RPH3AL: variants seen among roughly 807,000 people sequenced by gnomAD.
RPH3AL encodes the protein rabphilin 3A like (without C2 domains), also known as rab effector Noc2.
RPH3AL carries 38 observed loss-of-function variants against 43.1 expected under a neutral mutation model. That is an observed-to-expected ratio of 0.88 (90% CI 0.68 to 1.15). RPH3AL has a LOEUF of 1.15. Ranked by LOEUF, RPH3AL falls within the 50% of genes most tolerant of loss-of-function variation. RPH3AL has a pLI of 0.00. For missense variants in RPH3AL, 462 were observed against 423.2 expected (o/e 1.09, Z -0.81); for synonymous variants, 189 against 176.3 (o/e 1.07, Z -0.57).
In RPH3AL at chr17:274,192, G is replaced by A. The variant is rs542048117; in HGVS notation, c.438+7576C>T. Among the ~76,000 whole-genome samples, 13 of 152,324 alleles carry A rather than the reference G, an allele frequency of 8.5e-5. No homozygotes were observed. Among genetic ancestry groups the A allele is most frequent in the African/African-American group, 2.4e-4 (10 of 41,568 alleles). ...GCCGTTCCTCCCAGCCCCAACTAAC[G>A]CACCCATGAAAGCACGTGGAAAAGG... is the stretch of plus-strand genomic sequence containing the variant. On this transcript the variant is annotated intron_variant, in intron 6 of 9. Transcript: ENST00000331302. This position sits in a 1 kb window ranked among gnomAD's most constrained non-coding sequence, Gnocchi z 4.7.
intron 7 of RPH3AL, among the ~76,000 whole-genome samples, chr17:220,492 C>G (rs2040942632): frequency 1.1e-5 from 1 of 92,140 alleles, no homozygotes; most frequent in Admixed American, 9.7e-5. Flanking sequence ...ACAATAGACC[C>G]AAGCACATCA....
At chr17:318,596 A>G (rs1378132447) in intron 5 of RPH3AL, among the ~76,000 whole-genome samples, 1 of 152,158 alleles carries the variant, frequency 6.6e-6, no homozygotes, top group Non-Finnish European at 1.5e-5. Flanking sequence ...ATGCCAGGAA[A>G]AAAAAAATAG....
chr17:219,875 A>G, intron 7 of RPH3AL, 139 bp from the exon 8 acceptor site: 2 of 639,710 alleles, frequency 3.1e-6, no homozygotes, highest in South Asian at 1.7e-5. Context: ...CTTTGGGCAG[A>G]AGAAATAATG....
chr17:242,079 C>T (rs2041552761), intron 7 of RPH3AL, among the ~76,000 whole-genome samples: 2 of 151,872 alleles, frequency 1.3e-5, no homozygotes, highest in African/African-American at 4.8e-5. Flanking sequence ...ATCACACCAC[C>T]ACACTCCAGC....
At chr17:325,552 C>T (rs901482229) in intron 3 of RPH3AL, among the ~76,000 whole-genome samples, 1 of 152,222 alleles carries the variant, frequency 6.6e-6, no homozygotes, top group African/African-American at 2.4e-5. Context: ...ATTGGCCCAT[C>T]TTCTGGGTCC....
At chr17:296,079 A>G (rs370467094) in intron 5 of RPH3AL, among the ~76,000 whole-genome samples, 136 of 82,786 alleles carry the variant, frequency 1.6e-3, no homozygotes, top group East Asian at 4.2e-3. Context: ...CAGAGGGAAT[A>G]CACATCAGTG....
At chr17:315,234 T>C (rs867707806) in intron 5 of RPH3AL, among the ~76,000 whole-genome samples, 206 of 908 alleles carry the variant, frequency 0.23, 3 homozygotes, top group Admixed American at 0.31. Context: ...GCCCCCACCT[T>C]CATTCACCTG....
intron 7 of RPH3AL, among the ~76,000 whole-genome samples, chr17:223,892 G>A (rs986059190): frequency 2.6e-5 from 4 of 151,222 alleles, no homozygotes; most frequent in African/African-American, 4.9e-5. Context: ...AGCACACAGT[G>A]GGCGTGCCCC....
intron 7 of RPH3AL, among the ~76,000 whole-genome samples, chr17:243,738 C>G (rs2041657466): frequency 6.6e-6 from 1 of 150,598 alleles, no homozygotes; most frequent in East Asian, 2.0e-4. Context: ...TATTGATTAC[C>G]TTCCTCTATT....
intron 6 of RPH3AL, among the ~76,000 whole-genome samples, chr17:277,636 G>A (rs148356436): frequency 6.6e-6 from 1 of 152,168 alleles, no homozygotes; most frequent in African/African-American, 2.4e-5. Flanking sequence ...GACCCTCCAA[G>A]GGCGCCTCAT....
intron 7 of RPH3AL, among the ~76,000 whole-genome samples, chr17:229,053 T>C (rs753494981): frequency 2.0e-5 from 3 of 152,220 alleles, no homozygotes; most frequent in Non-Finnish European, 4.4e-5. Flanking sequence ...TATACAAGCC[T>C]ATACATATTT....
chr17:258,378 C>CT (rs2042115386), intron 6 of RPH3AL, among the ~76,000 whole-genome samples: 5 of 152,208 alleles, frequency 3.3e-5, no homozygotes, highest in Admixed American at 1.3e-4. Flanking sequence ...TACAGTCTGC[C>CT]ACCTTCCCGG....
At chr17:301,034 T>G (rs2043315975) in intron 5 of RPH3AL, among the ~76,000 whole-genome samples, 1 of 152,258 alleles carries the variant, frequency 6.6e-6, no homozygotes. Flanking sequence ...GTCTAGCCAA[T>G]GCAAAGGTGG....
At chr17:314,290 A>T (rs1005101996) in intron 5 of RPH3AL, among the ~76,000 whole-genome samples, 2 of 152,148 alleles carry the variant, frequency 1.3e-5, no homozygotes, top group African/African-American at 2.4e-5. Context: ...TACCTGGAAT[A>T]TTCACAGCAG....
At chr17:256,313 G>A (rs1285227020) in intron 6 of RPH3AL, among the ~76,000 whole-genome samples, 43 of 26,486 alleles carry the variant, frequency 1.6e-3, no homozygotes, top group African/African-American at 2.2e-3. Context: ...TACTTCCTAT[G>A]AGGGGAGCCG....
At chr17:265,666 C>T (rs1250954148) in intron 6 of RPH3AL, among the ~76,000 whole-genome samples, 3 of 152,168 alleles carry the variant, frequency 2.0e-5, no homozygotes, top group African/African-American at 4.8e-5. Context: ...TCATTATTTC[C>T]TTCCCTGACC....
intron 7 of RPH3AL, among the ~76,000 whole-genome samples, chr17:229,868 C>T (rs942789299): frequency 2.2e-4 from 33 of 152,290 alleles, no homozygotes; most frequent in Admixed American, 7.2e-4. Flanking sequence ...AGGGCCTGTC[C>T]GCTTAGGGAG....
intron 5 of RPH3AL, among the ~76,000 whole-genome samples, chr17:292,150 C>A (rs985667073): frequency 3.9e-5 from 6 of 152,246 alleles, no homozygotes; most frequent in Admixed American, 3.3e-4. Context: ...GGCCTGTGCA[C>A]CCCCACAGCG....
chr17:302,157 T>G (rs2151639248), intron 5 of RPH3AL, among the ~76,000 whole-genome samples: 1 of 152,364 alleles, frequency 6.6e-6, no homozygotes, highest in African/African-American at 2.4e-5. Flanking sequence ...CTGCGGCATC[T>G]GCGGACTGCG....
Sources: gnomAD v4.1 joint callset for allele counts (sites outside exome capture counted in the v4.1 genomes callset) on GRCh38, gnomAD v4.1.1 for gene constraint, Gnocchi (gnomAD v3.1) non-coding constraint, MANE v1.5 for transcripts, NCBI Gene and HGNC (gene_info 2026-07-23, HGNC 2026-07-21) for gene names.